LRRTM4: variants seen among roughly 807,000 people sequenced by gnomAD.
LRRTM4 encodes the protein leucine rich repeat transmembrane neuronal 4.
A neutral mutation model predicts 47.6 loss-of-function variants in LRRTM4; 25 were observed. That is an observed-to-expected ratio of 0.53 (90% CI 0.38 to 0.73). The LOEUF is 0.73. Among genes scored for constraint, LRRTM4 ranks in the 30% least tolerant of loss-of-function variants. The probability of loss-of-function intolerance (pLI) is 0.00; values close to 1 mark genes in which losing one functional copy is unlikely to be tolerated. For synonymous variants in LRRTM4, 311 were observed against 269.5 expected (o/e 1.15, Z -1.51); for missense variants, 638 against 713.4 (o/e 0.89, Z 1.20).
intron 3 of LRRTM4, among the ~76,000 whole-genome samples, chr2:76,881,186 CA>C (rs748460827): frequency 6.6e-6 from 1 of 152,104 alleles, no homozygotes; most frequent in African/African-American, 2.4e-5. Context: ...GGAAACATCA[CA>C]TCATAAATAT....
intron 3 of LRRTM4, among the ~76,000 whole-genome samples, chr2:76,928,445 C>A (rs1212862291): frequency 6.6e-6 from 1 of 152,080 alleles, no homozygotes; most frequent in African/African-American, 2.4e-5. Context: ...CTGCAGCGTG[C>A]CTATGGGCCT....
At chr2:76,954,592 G>T (rs1238873534) in intron 3 of LRRTM4, among the ~76,000 whole-genome samples, 1 of 151,714 alleles carries the variant, frequency 6.6e-6, no homozygotes, top group African/African-American at 2.4e-5. Flanking sequence ...TCCAGACGAA[G>T]AAGAAGAGAG....
At chr2:77,042,408 C>T (rs1165228827) in intron 3 of LRRTM4, among the ~76,000 whole-genome samples, 2 of 151,434 alleles carry the variant, frequency 1.3e-5, no homozygotes, top group African/African-American at 2.4e-5. Flanking sequence ...AATATGTAAA[C>T]ATAAAAAGTT....
At chr2:77,343,710 T>C in intron 3 of LRRTM4, among the ~76,000 whole-genome samples, 1 of 152,072 alleles carries the variant, frequency 6.6e-6, no homozygotes, top group African/African-American at 2.4e-5. Flanking sequence ...CATTTACTGT[T>C]GTGAAAAGCT....
At chr2:77,263,835 A>C (rs1232459711) in intron 3 of LRRTM4, among the ~76,000 whole-genome samples, 3 of 151,986 alleles carry the variant, frequency 2.0e-5, no homozygotes, top group Non-Finnish European at 4.4e-5. Flanking sequence ...GTATGTTTTT[A>C]TACCTAGATT....
At chr2:77,083,828 G>A (rs1454864725) in intron 3 of LRRTM4, among the ~76,000 whole-genome samples, 35 of 70,910 alleles carry the variant, frequency 4.9e-4, no homozygotes, top group Admixed American at 1.9e-3. Context: ...TTTTTCAGAC[G>A]GAGTCTCGCT....
intron 3 of LRRTM4, among the ~76,000 whole-genome samples, chr2:77,074,650 A>G (rs1374602999): frequency 6.6e-6 from 1 of 152,178 alleles, no homozygotes; most frequent in Non-Finnish European, 1.5e-5. Flanking sequence ...TACTACAAGG[A>G]GAAAAAGAAG....
chr2:77,492,002 TA>T, intron 3 of LRRTM4, among the ~76,000 whole-genome samples: 1 of 143,648 alleles, frequency 7.0e-6, no homozygotes, highest in South Asian at 2.3e-4. Context: ...AATCATATTA[TA>T]AAACATAATA....
intron 3 of LRRTM4, among the ~76,000 whole-genome samples, chr2:77,267,910 A>T (rs1420679269): frequency 1.3e-5 from 2 of 152,110 alleles, no homozygotes; most frequent in Non-Finnish European, 2.9e-5. Context: ...AAACAACACT[A>T]AAAATGTCCT....
chr2:77,027,161 C>T (rs979244376), intron 3 of LRRTM4, among the ~76,000 whole-genome samples: 1 of 152,066 alleles, frequency 6.6e-6, no homozygotes, highest in Non-Finnish European at 1.5e-5. Flanking sequence ...CACCACTAGA[C>T]ATAAATCTCC....
chr2:77,132,223 T>TA (rs1313261798), intron 3 of LRRTM4, among the ~76,000 whole-genome samples: 1 of 152,202 alleles, frequency 6.6e-6, no homozygotes, highest in African/African-American at 2.4e-5. Flanking sequence ...AGCTGCCACT[T>TA]ACGAGTTAGA....
Position 77,169,916 on chromosome 2 carries a change from G to A in LRRTM4, c.1551+348402C>T, listed in dbSNP as rs139917379. ...TTTTTTAGGTCTAAGTTTGTTGTGC[G>A]TTGTTGCTGCTATCACTCATGGTTA... is the stretch of plus-strand genomic sequence containing the variant. On this transcript the variant is annotated intron_variant, in intron 3 of 3. Transcript: ENST00000409884. Among the ~76,000 whole-genome samples the A allele has an allele frequency of 5.2e-3, 784 of 152,138 alleles. 9 individuals are homozygous for A. Among genetic ancestry groups the A allele is most frequent in the African/African-American group, 0.018 (752 of 41,516 alleles).
chr2:76,819,681 A>T (rs1670999964), intron 3 of LRRTM4, among the ~76,000 whole-genome samples: 1 of 151,954 alleles, frequency 6.6e-6, no homozygotes, highest in South Asian at 2.1e-4. Flanking sequence ...AAACTGATTC[A>T]TCTTCTAGAT....
At chr2:76,761,169 A>G (rs1234017930) in intron 3 of LRRTM4, among the ~76,000 whole-genome samples, 1 of 152,238 alleles carries the variant, frequency 6.6e-6, no homozygotes, top group Non-Finnish European at 1.5e-5. Context: ...GATTTAACTA[A>G]TTCCCTATGC....
At chr2:77,335,035 T>G (rs1259587019) in intron 3 of LRRTM4, among the ~76,000 whole-genome samples, 3 of 152,166 alleles carry the variant, frequency 2.0e-5, no homozygotes, top group African/African-American at 7.2e-5. Flanking sequence ...GCTTTTTCCT[T>G]TTCCTTTCTC....
chr2:76,970,793 C>T (rs10193253), intron 3 of LRRTM4, among the ~76,000 whole-genome samples: 43,975 of 151,822 alleles, frequency 0.29, 8,258 homozygotes, highest in African/African-American at 0.54. Context: ...GTGACCAGTA[C>T]GTTTTGTTTA....
intron 3 of LRRTM4, among the ~76,000 whole-genome samples, chr2:77,098,740 T>G (rs1206543077): frequency 6.6e-6 from 1 of 151,758 alleles, no homozygotes; most frequent in Non-Finnish European, 1.5e-5. Context: ...GTAACACATA[T>G]TACTCACAAA....
chr2:76,970,840 A>G (rs1329396788), intron 3 of LRRTM4, among the ~76,000 whole-genome samples: 3 of 152,046 alleles, frequency 2.0e-5, no homozygotes, highest in Non-Finnish European at 4.4e-5. Flanking sequence ...AGGTTGGAGA[A>G]GTTGAATTAC....
chr2:77,149,072 G>C (rs569421525), intron 3 of LRRTM4, among the ~76,000 whole-genome samples: 8 of 152,148 alleles, frequency 5.3e-5, no homozygotes, highest in African/African-American at 1.9e-4. Flanking sequence ...TCTATGCCAA[G>C]AATCAAGACC....
Sources: gnomAD v4.1 joint callset for allele counts (sites outside exome capture counted in the v4.1 genomes callset) on GRCh38, gnomAD v4.1.1 for gene constraint, MANE v1.5 for transcripts, NCBI Gene and HGNC (gene_info 2026-07-23, HGNC 2026-07-21) for gene names.